PTPN20: variants seen among roughly 807,000 people sequenced by gnomAD.
The protein encoded by PTPN20 is protein tyrosine phosphatase non-receptor type 20.
In PTPN20, 9 loss-of-function variants were observed where a neutral mutation model predicts 35.0. The observed-to-expected ratio is 0.26, with a 90% CI of 0.15 to 0.45. PTPN20 has a LOEUF of 0.45. Among genes scored for constraint, PTPN20 ranks in the 20% least tolerant of loss-of-function variants. PTPN20 has a pLI of 1.00. For synonymous variants in PTPN20, 32 were observed against 100.2 expected, an observed-to-expected ratio of 0.32 and a Z score of 4.06; for missense variants, 111 against 312.5, an observed-to-expected ratio of 0.36 and a Z score of 4.86.
rs1353674742 is a variant in PTPN20 at position 46,997,652 on chromosome 10, G to T, written c.1135-2260G>T. 2.9e-3 allele frequency among the ~76,000 whole-genome samples: 442 copies of T among 150,324 alleles called. 22 individuals carry two copies. The East Asian group carries it at 0.079, about 27-fold the overall frequency. ...AAAACAAGCTAGAGAGTAACTATAT[G>T]CAGGGCACATATCCAACAAAGGCCT... is the stretch of plus-strand genomic sequence containing the variant. On this transcript the variant is annotated intron_variant, in intron 9 of 10. Coordinates refer to ENST00000374339, the MANE Select transcript of PTPN20 (RefSeq NM_001042357.5).
At chr10:46,929,596 G>T (rs2038910486) in intron 1 of PTPN20, among the ~76,000 whole-genome samples, 1 of 151,412 alleles carries the variant, frequency 6.6e-6, no homozygotes, top group South Asian at 2.1e-4. Context: ...AACATTTCTT[G>T]CCATGTCTCC....
intron 1 of PTPN20, 59 bp from the exon 2 acceptor site, chr10:46,932,318 A>G: frequency 6.4e-7 from 1 of 1,556,812 alleles, no homozygotes; most frequent in Non-Finnish European, 8.6e-7. Flanking sequence ...TAATATGTCA[A>G]AGCTGTGATA....
At chr10:46,934,069 T>G (rs2040616864) in intron 2 of PTPN20, among the ~76,000 whole-genome samples, 1 of 69,426 alleles carries the variant, frequency 1.4e-5, no homozygotes, top group Admixed American at 1.6e-4. Context: ...TCCATTGGTT[T>G]GTGTCTTCCT....
chr10:47,000,975 C>T lies in PTPN20; in HGVS notation c.*234C>T. The T allele has an allele frequency of 1.7e-6, 1 of 585,158 alleles. No homozygotes were observed. Among genetic ancestry groups the T allele is most frequent in the Middle Eastern group, 4.7e-4 (1 of 2,116 alleles). 36.2% of individuals were successfully genotyped at this position (585,158 alleles called of 1,614,324 possible). A position where few individuals can be genotyped will look rare whatever the true frequency, so the allele number is the denominator to read the frequency against. Reference sequence around the variant, plus strand: ...TATCAAAATAACTTCCCACATTTTCCAGTGAAACAGATGTTACATAAAACG... The same window carrying T: ...TATCAAAATAACTTCCCACATTTTCTAGTGAAACAGATGTTACATAAAACG... On this transcript the variant is annotated 3_prime_UTR_variant, in exon 11 of 11. Transcript: ENST00000374339.
chr10:47,001,093 A>G lies in PTPN20; in HGVS notation c.*352A>G. 3.3e-6 allele frequency: 1 copy of G among 304,970 alleles called. No homozygotes were observed. The highest frequency in any genetic ancestry group is 1.1e-3 in the Middle Eastern group (1 of 898). The allele number at this position is 304,970 out of a possible 1,614,324, so 18.9% of individuals were successfully genotyped here. ...AGATTTTATTTGGAAAGGTGGCTGGAGAGAGCTGAGGATTTCCAGGACTTT... is the reference window on the plus strand; with the variant it reads ...AGATTTTATTTGGAAAGGTGGCTGGGGAGAGCTGAGGATTTCCAGGACTTT... On this transcript the variant is annotated 3_prime_UTR_variant, in exon 11 of 11. Coordinates refer to ENST00000374339, the MANE Select transcript of PTPN20 (RefSeq NM_001042357.5).
chr10:46,950,958 T>C (rs2046448379), intron 5 of PTPN20, among the ~76,000 whole-genome samples: 2 of 149,668 alleles, frequency 1.3e-5, no homozygotes, highest in South Asian at 4.2e-4. Context: ...TTTCATTGTA[T>C]GGAAATACCA....
At chr10:46,996,140 CCTTTG>C (rs1351929643) in intron 9 of PTPN20, among the ~76,000 whole-genome samples, 5 of 151,830 alleles carry the variant, frequency 3.3e-5, no homozygotes. Context: ...CTTAATGGTT[CCTTTG>C]CTTTGTTAAC....
At chr10:46,994,969 A>T (rs1310933783) in intron 9 of PTPN20, among the ~76,000 whole-genome samples, 4 of 152,106 alleles carry the variant, frequency 2.6e-5, no homozygotes, top group African/African-American at 7.2e-5. Context: ...TTGATTTTTA[A>T]ATTATTTCAA....
At chr10:46,937,808 AT>A (rs1286123887) in intron 2 of PTPN20, among the ~76,000 whole-genome samples, 1 of 151,584 alleles carries the variant, frequency 6.6e-6, no homozygotes, top group Non-Finnish European at 1.5e-5. Flanking sequence ...ATTTCTATTG[AT>A]TGATTGATTT....
In PTPN20 at chr10:46,953,797, C is replaced by T. The variant is rs540944745; in HGVS notation, c.340+7122C>T. Among the ~76,000 whole-genome samples the T allele has an allele frequency of 4.2e-4, 62 of 147,750 alleles. 1 individual carries two copies. The highest frequency in any genetic ancestry group is 3.4e-3 in the Middle Eastern group (1 of 292). ...GGTGTAATATTGTTTTTATGTTTTA[C>T]GATTTGATTTGCTAGTATTTTCCTG... On this transcript the variant is annotated intron_variant, in intron 5 of 10. Transcript: ENST00000374339.
chr10:46,991,526 G>A (rs1183238312), intron 9 of PTPN20, among the ~76,000 whole-genome samples: 2 of 103,062 alleles, frequency 1.9e-5, no homozygotes, highest in Non-Finnish European at 4.1e-5. Flanking sequence ...TATGGTGTCT[G>A]TGGGCCATGT....
chr10:46,993,879 A>G (rs1429797247), intron 9 of PTPN20, among the ~76,000 whole-genome samples: 11 of 152,276 alleles, frequency 7.2e-5, no homozygotes, highest in African/African-American at 2.4e-4. Flanking sequence ...TAATGTTACC[A>G]GTGGATTTTA....
chr10:46,963,405 TA>T (rs2049967445), intron 5 of PTPN20, among the ~76,000 whole-genome samples: 6 of 49,626 alleles, frequency 1.2e-4, no homozygotes, highest in African/African-American at 1.0e-3. Context: ...GATATATATA[TA>T]TTTTCTACCA....
intron 7 of PTPN20, among the ~76,000 whole-genome samples, chr10:46,979,074 C>T (rs1370843526): frequency 6.6e-6 from 1 of 151,866 alleles, no homozygotes; most frequent in Non-Finnish European, 1.5e-5. Flanking sequence ...AAGGGAGGAC[C>T]CTGGCACACT....
intron 2 of PTPN20, 146 bp downstream of exon 2, chr10:46,932,679 G>T (rs1458417920): frequency 2.9e-6 from 4 of 1,375,860 alleles, no homozygotes; most frequent in Non-Finnish European, 4.1e-6. Context: ...GGGGTGGGGG[G>T]CAAGACTCTG....
chr10:46,953,396 T>TTTA (rs2047419946), intron 5 of PTPN20, among the ~76,000 whole-genome samples: 1 of 136,650 alleles, frequency 7.3e-6, no homozygotes, highest in South Asian at 2.2e-4. Flanking sequence ...TCTTTCTTTC[T>TTTA]TTTTTTTTGA....
chr10:46,992,506 G>A (rs2058182680), intron 9 of PTPN20, among the ~76,000 whole-genome samples: 1 of 151,962 alleles, frequency 6.6e-6, no homozygotes, highest in Non-Finnish European at 1.5e-5. Context: ...TCCTCATCTT[G>A]GTCTATTCCG....
In PTPN20 at chr10:46,984,435, C is replaced by G; in HGVS notation, c.789C>G (p.Ile263Met). 1 of 1,611,676 alleles carries G rather than the reference C, an allele frequency of 6.2e-7. No homozygotes were observed. The highest frequency in any genetic ancestry group is 8.5e-7 in the Non-Finnish European group (1 of 1,179,758). ...MITREIEGGI[I>M]KCYHYWPISL... ...CCAGAGAGATAGAAGGTGGAATTAT[C>G]AAATGCTACCATTACTGGCCCATTT... Residue 263 changes from isoleucine (I) to methionine (M), a missense_variant, in exon 8 of 11, where the codon ATC becomes ATG. This residue lies in a region of PTPN20 where 15 missense variants were observed against 24.9 expected (regional missense o/e 0.60). Coordinates refer to ENST00000374339, the MANE Select transcript of PTPN20 (RefSeq NM_001042357.5).
intron 1 of PTPN20, among the ~76,000 whole-genome samples, chr10:46,923,905 A>T (rs1321012681): frequency 8.5e-5 from 13 of 152,274 alleles, no homozygotes; most frequent in Admixed American, 4.6e-4. Flanking sequence ...TCCTGTATAT[A>T]TTTTGTTATA....
Sources: allele counts gnomAD v4.1 joint callset (sites outside exome capture counted in the v4.1 genomes callset), GRCh38; gene constraint gnomAD v4.1.1; regional missense constraint gnomAD v4.1.1; transcripts MANE v1.5; gene names NCBI Gene and HGNC (gene_info 2026-07-23, HGNC 2026-07-21).